The following ESRRG variants were observed in gnomAD, a reference collection of about 807,000 sequenced individuals.
ESRRG encodes the protein estrogen-related receptor gamma.
A neutral mutation model predicts 44.0 loss-of-function variants in ESRRG; 13 were observed. The observed-to-expected ratio is 0.30, with a 90% CI of 0.19 to 0.47. The LOEUF (loss-of-function observed/expected upper bound fraction) is 0.47, where lower values mean the gene tolerates loss of function less well. Ranked by LOEUF, ESRRG falls within the 20% of genes least tolerant of loss-of-function variation. The pLI, the probability that ESRRG is intolerant of heterozygous loss-of-function variation, is 1.00. For missense variants in ESRRG, 395 were observed against 580.6 expected, an observed-to-expected ratio of 0.68 and a Z score of 3.29; for synonymous variants, 215 against 214.6, an observed-to-expected ratio of 1.00 and a Z score of -0.02.
intron 1 of ESRRG, among the ~76,000 whole-genome samples, chr1:217,008,071 T>G (rs1449780654): frequency 1.3e-5 from 2 of 152,200 alleles, no homozygotes; most frequent in African/African-American, 4.8e-5. Flanking sequence ...ACTAGGCAAT[T>G]AAGATAAACC....
exon 1 of ESRRG, chr1:217,089,580 CT>C (rs897465041): frequency 7.1e-4 from 108 of 152,370 alleles, no homozygotes; most frequent in African/African-American, 2.5e-3. Context: ...AAGCCGGTTT[CT>C]TTGGCTATGA....
intron 3 of ESRRG, among the ~76,000 whole-genome samples, chr1:216,617,114 T>C (rs2061526141): frequency 6.6e-6 from 1 of 152,310 alleles, no homozygotes; most frequent in Non-Finnish European, 1.5e-5. Flanking sequence ...ATGTCAATTA[T>C]AGCTTAACTT....
chr1:216,882,470 A>C (rs2096461175), intron 2 of ESRRG, among the ~76,000 whole-genome samples: 1 of 152,216 alleles, frequency 6.6e-6, no homozygotes, highest in Non-Finnish European at 1.5e-5. Flanking sequence ...AGCACCTAGA[A>C]TATACTCAAC....
chr1:216,947,670 C>A lies in ESRRG; in HGVS notation c.-105-7997G>T, dbSNP rs116159069. ...AGTTTACCAGCACATCACTGAAAAG[C>A]GTTTTTCTTTCATTGTTTCCTTCTT... On this transcript the variant is annotated intron_variant, in intron 1 of 7. Transcript: ENST00000359162. Among the ~76,000 whole-genome samples the A allele has an allele frequency of 2.2e-4, 34 of 152,216 alleles. No homozygotes were observed. In the East Asian group the frequency reaches 6.2e-3, roughly 28 times the overall value.
chr1:216,963,955 C>T lies in ESRRG; in HGVS notation c.-105-24282G>A, dbSNP rs115076936. Among the ~76,000 whole-genome samples, 346 of 152,210 alleles carry T rather than the reference C, an allele frequency of 2.3e-3. 2 individuals are homozygous for T. Among genetic ancestry groups the T allele is most frequent in the African/African-American group, 7.6e-3 (316 of 41,544 alleles). ...TAAGGATTCCCTAAAGATGAGGAGA[C>T]AAAGTAGATATCTGAGAAAAGAGTA... On this transcript the variant is annotated intron_variant, in intron 1 of 7. Transcript: ENST00000359162.
chr1:216,834,866 T>C (rs1346962814), intron 2 of ESRRG, among the ~76,000 whole-genome samples: 1 of 152,154 alleles, frequency 6.6e-6, no homozygotes, highest in Non-Finnish European at 1.5e-5. Context: ...GGCCATTAAA[T>C]ACAGCAGAAA....
intron 2 of ESRRG, among the ~76,000 whole-genome samples, chr1:216,760,882 C>T (rs1212753512): frequency 6.6e-6 from 1 of 152,008 alleles, no homozygotes; most frequent in Non-Finnish European, 1.5e-5. Context: ...GGTGATAAAA[C>T]ATCCCAGTTG....
At position 216,618,416 on chromosome 1, in the gene ESRRG, T is replaced by C. The variant is rs371414280; in HGVS notation, c.589+32557A>G. ...AGAACAGAATTAACTAGGTAGGTTA[T>C]ACAGGAATTGAATCTGCCACCTTAG... On this transcript the variant is annotated intron_variant, in intron 3 of 6. Transcript: ENST00000408911. Among the ~76,000 whole-genome samples the C allele has an allele frequency of 2.4e-4, 37 of 152,358 alleles. 1 individual carries two copies. The East Asian group carries it at 6.9e-3, about 29-fold the overall frequency.
intron 1 of ESRRG, among the ~76,000 whole-genome samples, chr1:217,078,565 G>A (rs1433610299): frequency 6.6e-6 from 1 of 152,138 alleles, no homozygotes; most frequent in Non-Finnish European, 1.5e-5. Flanking sequence ...TTCATCTCAG[G>A]TATGTTAGCG....
chr1:216,657,772 G>A (rs1273860352), intron 2 of ESRRG, among the ~76,000 whole-genome samples: 1 of 152,074 alleles, frequency 6.6e-6, no homozygotes, highest in Non-Finnish European at 1.5e-5. Flanking sequence ...TTCATACACA[G>A]GAGTGTGCAC....
At chr1:216,756,591 AG>A (rs1233984532) in intron 2 of ESRRG, among the ~76,000 whole-genome samples, 1 of 152,024 alleles carries the variant, frequency 6.6e-6, no homozygotes, top group Admixed American at 6.6e-5. Flanking sequence ...ATTGAGAGAT[AG>A]CTCATTCTAG....
intron 1 of ESRRG, among the ~76,000 whole-genome samples, chr1:216,956,665 T>C (rs977723483): frequency 2.0e-5 from 3 of 152,172 alleles, no homozygotes; most frequent in Non-Finnish European, 4.4e-5. Context: ...AAGATTGTCT[T>C]GTGGTGATGC....
intron 2 of ESRRG, among the ~76,000 whole-genome samples, chr1:216,806,749 C>A (rs1217629225): frequency 2.6e-5 from 4 of 152,162 alleles, no homozygotes; most frequent in Non-Finnish European, 5.9e-5. Context: ...TAATAGACTT[C>A]TTTGGGGTCT....
intron 2 of ESRRG, among the ~76,000 whole-genome samples, chr1:216,929,926 G>A (rs1260669175): frequency 1.3e-5 from 2 of 152,052 alleles, no homozygotes; most frequent in Non-Finnish European, 2.9e-5. Context: ...AACCGTACCT[G>A]ATTTCCAGCC....
At position 216,741,177 on chromosome 1, in the gene ESRRG, A is replaced by G. The variant is rs190652561; in HGVS notation, c.-13-63686T>C. 4.7e-4 allele frequency among the ~76,000 whole-genome samples: 70 copies of G among 147,932 alleles called. 1 individual carries two copies. The East Asian group carries it at 0.013, about 27-fold the overall frequency. ...ATTGAAAGCTCTTTGGGGTCAGGGT[A>G]ATTTATATTATATTTATATTTATAA... On this transcript the variant is annotated intron_variant, in intron 2 of 7. Transcript: ENST00000359162.
chr1:216,599,823 G>GA (rs1314401225), intron 3 of ESRRG, among the ~76,000 whole-genome samples: 3,244 of 136,908 alleles, frequency 0.024, 74 homozygotes, highest in African/African-American at 0.065. Context: ...GAATTAACAG[G>GA]AAAAAAAAAA....
Position 216,890,862 on chromosome 1 carries a change from G to A in ESRRG, c.-14+48720C>T, listed in dbSNP as rs568506075. ...AAACTGTGTGCATGTCTCTCCTATC[G>A]CACTGTTTCTTTTAAATGTTTGTGT... On this transcript the variant is annotated intron_variant, in intron 2 of 7. Transcript: ENST00000359162. Among the ~76,000 whole-genome samples, 4 of 152,128 alleles carry A rather than the reference G, an allele frequency of 2.6e-5. No individual in the cohort carries two copies. In the South Asian group the frequency reaches 6.2e-4, roughly 24 times the overall value.
intron 2 of ESRRG, among the ~76,000 whole-genome samples, chr1:216,885,630 T>C (rs913006937): frequency 3.3e-5 from 5 of 152,150 alleles, no homozygotes; most frequent in African/African-American, 9.7e-5. Context: ...TTCCATCTAT[T>C]TCCTTATTCA....
intron 3 of ESRRG, among the ~76,000 whole-genome samples, chr1:216,621,898 C>A (rs1367959782): frequency 2.6e-5 from 4 of 152,108 alleles, no homozygotes; most frequent in Non-Finnish European, 5.9e-5. Context: ...CTGATGAGGG[C>A]CCTCATTGTT....
Sources: gnomAD v4.1 joint callset for allele counts (sites outside exome capture counted in the v4.1 genomes callset) on GRCh38, gnomAD v4.1.1 for gene constraint, MANE v1.5 for transcripts, NCBI Gene and HGNC (gene_info 2026-07-23, HGNC 2026-07-21) for gene names.